The following MTOR variants were observed in gnomAD, a reference collection of about 807,000 sequenced individuals.
MTOR encodes serine/threonine-protein kinase mTOR.
In MTOR, 70 loss-of-function variants were observed where a neutral mutation model predicts 319.8. The ratio of observed to expected loss-of-function variants is 0.22; its 90% CI spans 0.18 to 0.27. The LOEUF (loss-of-function observed/expected upper bound fraction) is 0.27, where lower values mean the gene tolerates loss of function less well. MTOR is among the 10% of genes least tolerant of loss of function. MTOR has a pLI of 1.00. For synonymous variants in MTOR, 1,183 were observed against 1,211.4 expected, an observed-to-expected ratio of 0.98 and a Z score of 0.49; for missense variants, 1,890 against 3,274.4, an observed-to-expected ratio of 0.58 and a Z score of 10.32.
rs2100787376 is a variant in MTOR at position 11,210,883 on chromosome 1, C to T, written c.3585G>A (p.Val1195=). 2 of 1,613,556 alleles carry T rather than the reference C, an allele frequency of 1.2e-6. No homozygotes were observed. Among genetic ancestry groups the T allele is most frequent in the East Asian group, 2.2e-5 (1 of 44,884 alleles). ...TTCGGTGTCGCACCAGAACTTTATT[C>T]ACCATTGGAATGAAAATTTGGTACT... ...GKKYQIFIPM[V]NKVLVRHRIN... Residue 1195 remains valine (V), a synonymous_variant, in exon 24 of 58, where the codon GTG becomes GTA. Transcript: ENST00000361445.
chr1:11,248,210 A>G, intron 6 of MTOR, 116 bp from the exon 7 acceptor site: 1 of 1,077,172 alleles, frequency 9.3e-7, no homozygotes, highest in Non-Finnish European at 1.3e-6. Context: ...CTACTTCCAA[A>G]GTGAAGGGTG....
intron 26 of MTOR, among the ~76,000 whole-genome samples, chr1:11,201,126 C>T (rs557611827): frequency 2.0e-5 from 3 of 152,166 alleles, no homozygotes; most frequent in African/African-American, 7.2e-5. Context: ...ATTAGCAGTT[C>T]AAGACCAGCC....
At position 11,157,240 on chromosome 1, in the gene MTOR, C is replaced by T. The variant is rs955557159; in HGVS notation, c.4381G>A (p.Val1461Met). 1.9e-6 allele frequency: 3 copies of T among 1,614,166 alleles called. No individual in the cohort carries two copies. Among genetic ancestry groups the T allele is most frequent in the Non-Finnish European group, 2.5e-6 (3 of 1,180,006 alleles). The change falls in exon 30 of 58, where the codon GTG becomes ATG. Residue 1461 changes from valine to methionine, a missense_variant. Transcript: ENST00000361445. ...GTGTCCATTTTCTTGTCATAGGCCA[C>T]AAGGGCATCCTCCCACTCGTGCAGT... Reference protein sequence around the residue: ...EKLHEWEDALVAYDKKMDTNK... With the variant: ...EKLHEWEDALMAYDKKMDTNK...
chr1:11,230,804 TG>T, intron 18 of MTOR, 120 bp downstream of exon 18: 1 of 1,340,220 alleles, frequency 7.5e-7, no homozygotes, highest in African/African-American at 1.5e-5. Context: ...ATTCAAAAGT[TG>T]CTACACGAGC....
chr1:11,141,156 C>A (rs1465791878), intron 34 of MTOR, among the ~76,000 whole-genome samples: 1 of 152,038 alleles, frequency 6.6e-6, no homozygotes, highest in Admixed American at 6.6e-5. Flanking sequence ...CACTCTGTCA[C>A]CCAGGCTGGA....
chr1:11,171,112 T>C (rs927972078), intron 28 of MTOR, among the ~76,000 whole-genome samples: 3 of 150,408 alleles, frequency 2.0e-5, no homozygotes, highest in Non-Finnish European at 3.0e-5. Context: ...GGAGAATTGC[T>C]TGAACCCAGG....
At chr1:11,162,317 A>G (rs1644502585) in intron 29 of MTOR, among the ~76,000 whole-genome samples, 1 of 152,256 alleles carries the variant, frequency 6.6e-6, no homozygotes, top group Non-Finnish European at 1.5e-5. Context: ...GGTGTACCTG[A>G]AAGTGACGGG....
intron 28 of MTOR, among the ~76,000 whole-genome samples, chr1:11,173,888 C>T (rs1444679524): frequency 2.0e-5 from 3 of 152,150 alleles, no homozygotes; most frequent in Admixed American, 6.6e-5. Context: ...TCCATGCCTT[C>T]TGGCACTCCA....
chr1:11,237,891 G>A lies in MTOR; in HGVS notation c.2160C>T (p.Ser720=), dbSNP rs778600503. Residue 720 remains serine, a synonymous_variant, in exon 13 of 58, where the codon AGC becomes AGT. Coordinates refer to ENST00000361445, the MANE Select transcript of MTOR (RefSeq NM_004958.4). ...LAICTVGRLS[S]MNPAFVMPFL... is the part of the protein sequence containing the mutation. ...AAGGCATGACAAAGGCAGGGTTCAT[G>A]CTACTGAGTCGGCCCACAGTGCAGA... The A allele has an allele frequency of 6.2e-7, 1 of 1,614,044 alleles. No homozygotes were observed. The highest frequency in any genetic ancestry group is 1.3e-5 in the African/African-American group (1 of 74,942).
At chr1:11,207,769 T>C (rs1387536393) in intron 25 of MTOR, among the ~76,000 whole-genome samples, 1 of 152,142 alleles carries the variant, frequency 6.6e-6, no homozygotes, top group Non-Finnish European at 1.5e-5. Context: ...TTACTGAGAT[T>C]ACAGGCATGA....
chr1:11,237,074 GT>G (rs1647308553), intron 13 of MTOR, among the ~76,000 whole-genome samples: 1 of 152,142 alleles, frequency 6.6e-6, no homozygotes, highest in South Asian at 2.1e-4. Context: ...TATAAAAAGT[GT>G]TTACTTCAAA....
intron 49 of MTOR, among the ~76,000 whole-genome samples, chr1:11,117,975 G>A (rs979973810): frequency 7.9e-5 from 12 of 151,900 alleles, no homozygotes; most frequent in African/African-American, 2.7e-4. Context: ...AGCTACTCAG[G>A]AGGCTGAGGC....
chr1:11,240,712 C>T (rs555544614), intron 10 of MTOR, among the ~76,000 whole-genome samples, 165 bp from the exon 11 acceptor site: 1 of 152,272 alleles, frequency 6.6e-6, no homozygotes, highest in Non-Finnish European at 1.5e-5. Context: ...TTGGCTTAGT[C>T]TCAGGTCTCC....
Position 11,108,217 on chromosome 1 carries a change from G to T in MTOR, c.7598C>A (p.Thr2533Lys). The change falls in exon 57 of 58, where the codon ACA becomes AAA. Residue 2533 changes from threonine to lysine, a missense_variant. By Grantham distance (78) the Thr-to-Lys change is moderately conservative. Coordinates refer to ENST00000361445, the MANE Select transcript of MTOR (RefSeq NM_004958.4). ...TQVELLIKQA[T>K]SHENLCQCYI... ...GCACTGGCAGAGGTTTTCATGGGAT[G>T]TCGCTTGTTTGATGAGCAGCTCAAC... is the stretch of plus-strand genomic sequence containing the variant. 6.2e-7 allele frequency: 1 copy of T among 1,613,896 alleles called. No homozygotes were observed. The highest frequency in any genetic ancestry group is 8.5e-7 in the Non-Finnish European group (1 of 1,179,826).
At chr1:11,217,091 A>T (rs2100809512) in intron 19 of MTOR, among the ~76,000 whole-genome samples, 1 of 152,332 alleles carries the variant, frequency 6.6e-6, no homozygotes, top group East Asian at 1.9e-4. Context: ...TATAGTAATT[A>T]ACTCATTACT....
intron 38 of MTOR, 187 bp downstream of exon 38, chr1:11,132,893 G>A (rs1643227651): frequency 5.0e-6 from 3 of 597,772 alleles, no homozygotes; most frequent in Non-Finnish European, 8.9e-6. Context: ...TAATCTTTCT[G>A]TATTAATTAA....
At chr1:11,173,537 C>G (rs1644890792) in intron 28 of MTOR, among the ~76,000 whole-genome samples, 1 of 152,146 alleles carries the variant, frequency 6.6e-6, no homozygotes, top group Admixed American at 6.5e-5. Flanking sequence ...CCTGTCTCAG[C>G]CTCCCAAATT....
chr1:11,259,230 C>T lies in MTOR; in HGVS notation c.162+18G>A. 4 of 1,611,852 alleles carry T rather than the reference C, an allele frequency of 2.5e-6. No individual in the cohort carries two copies. The South Asian group carries it at 4.4e-5, about 18-fold the overall frequency. On this transcript the variant is annotated intron_variant, in intron 2 of 57. Transcript: ENST00000361445. ...GCCCACACATCCCACAATGACTGGC[C>T]CCAGATCCCAGAAGCACCTCTCGGA...
At chr1:11,125,374 G>T (rs1429553269) in intron 46 of MTOR, among the ~76,000 whole-genome samples, 4 of 152,164 alleles carry the variant, frequency 2.6e-5, no homozygotes, top group African/African-American at 9.7e-5. Context: ...ATCACCTGTG[G>T]ACCATGATTA....
Sources: allele counts gnomAD v4.1 joint callset (sites outside exome capture counted in the v4.1 genomes callset), GRCh38; gene constraint gnomAD v4.1.1; transcripts MANE v1.5; gene names NCBI Gene and HGNC (gene_info 2026-07-23, HGNC 2026-07-21).